The following PRKCE variants were observed in gnomAD, a reference collection of about 807,000 sequenced individuals.
The protein encoded by PRKCE is protein kinase C epsilon type.
Under a neutral mutation model 85.4 loss-of-function variants are expected in PRKCE, and 16 were observed. The observed-to-expected ratio is 0.19, with a 90% CI of 0.13 to 0.28. The LOEUF (loss-of-function observed/expected upper bound fraction) is 0.28, where lower values mean the gene tolerates loss of function less well. Ranked by LOEUF, PRKCE falls within the 10% of genes least tolerant of loss-of-function variation. PRKCE has a pLI of 1.00. For missense variants in PRKCE, 573 were observed against 975.2 expected (o/e 0.59, Z 5.49); for synonymous variants, 388 against 371.5 (o/e 1.04, Z -0.51).
intron 1 of PRKCE, among the ~76,000 whole-genome samples, chr2:45,729,969 GGTATAGA>G (rs1681424600): frequency 6.6e-6 from 1 of 152,128 alleles, no homozygotes; most frequent in Non-Finnish European, 1.5e-5. Context: ...ATTTTTTAAG[GGTATAGA>G]GTCATACTTT....
intron 2 of PRKCE, among the ~76,000 whole-genome samples, chr2:45,880,459 T>A (rs1277252967): frequency 6.6e-6 from 1 of 152,204 alleles, no homozygotes; most frequent in East Asian, 1.9e-4. Context: ...ACTTTGAATG[T>A]CACCTCTTAC....
chr2:45,756,596 A>C (rs1161179591), intron 1 of PRKCE, among the ~76,000 whole-genome samples: 3 of 152,264 alleles, frequency 2.0e-5, no homozygotes, highest in African/African-American at 7.2e-5. Context: ...CCAATCTTTC[A>C]TCAAGATAGA....
intron 12 of PRKCE, among the ~76,000 whole-genome samples, chr2:46,149,739 GTATTTATATATA>G (rs1254317279): frequency 2.0e-4 from 11 of 55,212 alleles, no homozygotes; most frequent in South Asian, 6.0e-4. Context: ...TTATATATAT[GTATTTATATATA>G]TATGTCATTG....
chr2:46,159,868 A>G lies in PRKCE; in HGVS notation c.2067+116A>G. The stretch of plus-strand genomic sequence containing the variant: ...GGATGCGTATTACAGTAAAAATGAC[A>G]AAGACCAGAGGTGGCTGAGGCTCTC... On this transcript the variant is annotated intron_variant, in intron 14 of 14. Transcript: ENST00000306156. The surrounding 1 kb of genome is among the most constrained non-coding windows in gnomAD (Gnocchi z 4.1). 7.3e-7 allele frequency: 1 copy of G among 1,376,462 alleles called. No individual in the cohort carries two copies. The highest frequency in any genetic ancestry group is 9.9e-7 in the Non-Finnish European group (1 of 1,012,232). 85.3% of individuals were successfully genotyped at this position (1,376,462 alleles called of 1,614,324 possible). A position where few individuals can be genotyped will look rare whatever the true frequency, so the allele number is the denominator to read the frequency against.
Position 45,775,355 on chromosome 2 carries a change from G to A in PRKCE, c.349-67645G>A, listed in dbSNP as rs187359753. On this transcript the variant is annotated intron_variant, in intron 1 of 14. Transcript: ENST00000306156. ...GGGCACAAGGGAAGGTGGACTCCAC[G>A]CAGTCCGCCCGTTCTCATGCTTCAT... 1.1e-3 allele frequency among the ~76,000 whole-genome samples: 164 copies of A among 152,254 alleles called. 1 individual carries two copies. The highest frequency in any genetic ancestry group is 2.1e-3 in the Non-Finnish European group (140 of 68,032).
intron 11 of PRKCE, among the ~76,000 whole-genome samples, chr2:46,122,215 T>C (rs1327445642): frequency 1.3e-5 from 2 of 152,044 alleles, no homozygotes; most frequent in Non-Finnish European, 2.9e-5. Context: ...TTTGTGTTTT[T>C]TGTTTGTTTG....
At chr2:45,963,908 G>T (rs1231439569) in intron 2 of PRKCE, among the ~76,000 whole-genome samples, 1 of 152,236 alleles carries the variant, frequency 6.6e-6, no homozygotes, top group Non-Finnish European at 1.5e-5. Context: ...CTGGGAAATT[G>T]TGCAGGCACG....
intron 1 of PRKCE, among the ~76,000 whole-genome samples, chr2:45,707,859 A>G (rs1246309839): frequency 6.6e-6 from 1 of 152,184 alleles, no homozygotes; most frequent in African/African-American, 2.4e-5. Context: ...TTAGTTCCCA[A>G]CTGCCAAGCC....
At chr2:45,939,726 C>T (rs924405924) in intron 2 of PRKCE, among the ~76,000 whole-genome samples, 3 of 151,972 alleles carry the variant, frequency 2.0e-5, no homozygotes, top group African/African-American at 4.8e-5. Context: ...AGCTAATTTT[C>T]GTATTTTTAG....
intron 6 of PRKCE, among the ~76,000 whole-genome samples, chr2:46,000,679 C>A (rs1704606125): frequency 6.6e-6 from 1 of 151,986 alleles, no homozygotes; most frequent in South Asian, 2.1e-4. Flanking sequence ...GTACAAAAGT[C>A]TATCAACTCA....
At chr2:45,856,041 A>C (rs959253597) in intron 2 of PRKCE, among the ~76,000 whole-genome samples, 1 of 152,096 alleles carries the variant, frequency 6.6e-6, no homozygotes, top group Non-Finnish European at 1.5e-5. Flanking sequence ...GAAAGATGGA[A>C]TCCTAAGCCT....
chr2:45,746,159 A>G (rs1185212906), intron 1 of PRKCE, among the ~76,000 whole-genome samples: 3 of 151,448 alleles, frequency 2.0e-5, no homozygotes, highest in East Asian at 3.9e-4. Flanking sequence ...TTCAGTTTTC[A>G]TTTGTATTTG....
intron 11 of PRKCE, 109 bp from the exon 12 acceptor site, chr2:46,144,984 A>G: frequency 2.0e-6 from 3 of 1,500,042 alleles, no homozygotes; most frequent in Non-Finnish European, 2.7e-6. Context: ...AGCTTCTTTC[A>G]GGACTTTTTT....
At chr2:45,805,879 G>T (rs578063748) in intron 1 of PRKCE, among the ~76,000 whole-genome samples, 1 of 152,182 alleles carries the variant, frequency 6.6e-6, no homozygotes, top group African/African-American at 2.4e-5. Flanking sequence ...GATTACAGGC[G>T]TGAGCCACCG....
chr2:45,654,908 G>C (rs1303436804), intron 1 of PRKCE, among the ~76,000 whole-genome samples: 3 of 152,136 alleles, frequency 2.0e-5, no homozygotes, highest in Admixed American at 6.5e-5. Context: ...GTAAACCCAT[G>C]GTTTCATAGC....
chr2:46,142,038 C>T (rs1003136438), intron 11 of PRKCE, among the ~76,000 whole-genome samples: 1 of 152,182 alleles, frequency 6.6e-6, no homozygotes, highest in Non-Finnish European at 1.5e-5. Context: ...GCAGGAGACT[C>T]CTGGGGCAGG....
At chr2:45,940,336 G>A (rs1011277342) in intron 2 of PRKCE, among the ~76,000 whole-genome samples, 15 of 152,158 alleles carry the variant, frequency 9.9e-5, no homozygotes, top group Non-Finnish European at 1.8e-4. Flanking sequence ...TGGGATTTGG[G>A]AAACAGACCT....
chr2:45,686,625 TAGTC>T (rs1558556979), intron 1 of PRKCE, among the ~76,000 whole-genome samples: 2 of 152,178 alleles, frequency 1.3e-5, no homozygotes. Flanking sequence ...GCTTCATTCA[TAGTC>T]AGGATAAGTG....
At chr2:45,653,370 G>GTTTTTT (rs34888247) in intron 1 of PRKCE, among the ~76,000 whole-genome samples, 2,132 of 61,392 alleles carry the variant, frequency 0.035, 219 homozygotes, top group East Asian at 0.098. Context: ...TTTTTGGGTT[G>GTTTTTT]TTTTTTTTTT....
Sources: allele counts gnomAD v4.1 joint callset (sites outside exome capture counted in the v4.1 genomes callset), GRCh38; gene constraint gnomAD v4.1.1; non-coding constraint Gnocchi (gnomAD v3.1); transcripts MANE v1.5; gene names NCBI Gene and HGNC (gene_info 2026-07-23, HGNC 2026-07-21).